ADAMTSL1: variants seen among roughly 807,000 people sequenced by gnomAD.
The protein encoded by ADAMTSL1 is ADAMTS-like protein 1.
Under a neutral mutation model 201.8 loss-of-function variants are expected in ADAMTSL1, and 126 were observed. The observed-to-expected ratio is 0.62, with a 90% CI of 0.54 to 0.72. ADAMTSL1 has a LOEUF of 0.72. ADAMTSL1 is among the 30% of genes least tolerant of loss of function. ADAMTSL1 has a pLI of 0.00. For missense variants in ADAMTSL1, 2,679 were observed against 2,277.8 expected, an observed-to-expected ratio of 1.18 and a Z score of -3.59; for synonymous variants, 1,121 against 903.4, an observed-to-expected ratio of 1.24 and a Z score of -4.32.
intron 1 of ADAMTSL1, among the ~76,000 whole-genome samples, chr9:18,154,988 C>T (rs1358916705): frequency 6.6e-6 from 1 of 151,916 alleles, no homozygotes; most frequent in East Asian, 1.9e-4. Flanking sequence ...GTGAGGGTTG[C>T]TGGTGGGTGG....
upstream of ADAMTSL1, among the ~76,000 whole-genome samples, chr9:18,469,561 C>T (rs1258371717): frequency 6.6e-6 from 1 of 152,220 alleles, no homozygotes; most frequent in East Asian, 1.9e-4. Context: ...ATGGGAGTTG[C>T]TGCCTCTTCC....
intron 1 of ADAMTSL1, among the ~76,000 whole-genome samples, chr9:18,162,482 T>A (rs1479563493): frequency 6.6e-6 from 1 of 152,028 alleles, no homozygotes; most frequent in East Asian, 1.9e-4. Context: ...AGATTCTTTT[T>A]ACTACCATCA....
At chr9:18,276,488 C>T (rs1832592477) in intron 2 of ADAMTSL1, among the ~76,000 whole-genome samples, 1 of 152,190 alleles carries the variant, frequency 6.6e-6, no homozygotes, top group Non-Finnish European at 1.5e-5. Context: ...TTGGGTCTCT[C>T]ATATATTTCA....
chr9:18,022,900 G>C (rs984837966), intron 1 of ADAMTSL1, among the ~76,000 whole-genome samples: 4 of 152,024 alleles, frequency 2.6e-5, no homozygotes, highest in African/African-American at 9.7e-5. Context: ...GCCTAGGTAA[G>C]AAGTGATCAA....
At chr9:17,970,118 A>G (rs957596702) in intron 1 of ADAMTSL1, among the ~76,000 whole-genome samples, 1 of 151,922 alleles carries the variant, frequency 6.6e-6, no homozygotes, top group Non-Finnish European at 1.5e-5. Flanking sequence ...TTTTCCTCTT[A>G]ATGGGGCCTC....
intron 2 of ADAMTSL1, among the ~76,000 whole-genome samples, chr9:18,424,582 C>A (rs2133375413): frequency 6.6e-6 from 1 of 152,240 alleles, no homozygotes. Flanking sequence ...TAGAAAAATG[C>A]AAGAATAAAA....
At chr9:18,831,735 TCATAAAGTCCCTGAATGTAA>T (rs1193689109) in intron 23 of ADAMTSL1, among the ~76,000 whole-genome samples, 1 of 152,174 alleles carries the variant, frequency 6.6e-6, no homozygotes, top group Non-Finnish European at 1.5e-5. Flanking sequence ...GAGTCAGTAT[TCATAAAGTCCCTGAATGTAA>T]CTGCCTGGAC....
rs192596760 is a variant in ADAMTSL1 at position 17,956,060 on chromosome 9, A to C, written c.87+49138A>C. ...GTAAATGACAACCAAATACTGTGGAAAAATCTGAATAGTTTATTTTTTAAA... is the reference window on the plus strand; with the variant it reads ...GTAAATGACAACCAAATACTGTGGACAAATCTGAATAGTTTATTTTTTAAA... On this transcript the variant is annotated intron_variant, in intron 1 of 29. Coordinates refer to the ADAMTSL1 transcript ENST00000680146. Among the ~76,000 whole-genome samples, 33 of 152,332 alleles carry C rather than the reference A, an allele frequency of 2.2e-4. No homozygotes were observed. The East Asian group carries it at 4.1e-3, about 19-fold the overall frequency.
intron 2 of ADAMTSL1, among the ~76,000 whole-genome samples, chr9:18,299,633 T>C (rs923562865): frequency 5.3e-5 from 8 of 152,176 alleles, no homozygotes; most frequent in African/African-American, 1.9e-4. Flanking sequence ...CCTGGAATTC[T>C]TAGCTTGTAA....
At chr9:18,827,040 C>T (rs111762429) in intron 22 of ADAMTSL1, among the ~76,000 whole-genome samples, 52 of 151,994 alleles carry the variant, frequency 3.4e-4, no homozygotes, top group Non-Finnish European at 1.2e-4. Flanking sequence ...CACCATCCAC[C>T]ATCTGATTAT....
chr9:18,548,515 T>C (rs1472313882), intron 3 of ADAMTSL1, among the ~76,000 whole-genome samples: 1 of 152,064 alleles, frequency 6.6e-6, no homozygotes, highest in Non-Finnish European at 1.5e-5. Flanking sequence ...TTCATGTTAA[T>C]GAATCAACAA....
chr9:18,111,123 A>G (rs552011749), intron 1 of ADAMTSL1, among the ~76,000 whole-genome samples: 2 of 152,184 alleles, frequency 1.3e-5, no homozygotes, highest in African/African-American at 4.8e-5. Flanking sequence ...ACAAAAATTG[A>G]CCTTTTGCTT....
intron 10 of ADAMTSL1, among the ~76,000 whole-genome samples, chr9:18,677,898 C>G (rs1830217854): frequency 6.6e-6 from 1 of 152,024 alleles, no homozygotes; most frequent in African/African-American, 2.4e-5. Context: ...TAAATGGAAA[C>G]TATTTTTACA....
chr9:18,058,716 C>G (rs1822307616), intron 1 of ADAMTSL1, among the ~76,000 whole-genome samples: 1 of 152,086 alleles, frequency 6.6e-6, no homozygotes, highest in Non-Finnish European at 1.5e-5. Flanking sequence ...TGTGAATGCA[C>G]AGAGAGACTA....
intron 23 of ADAMTSL1, among the ~76,000 whole-genome samples, chr9:18,875,927 A>G (rs575228351): frequency 1.3e-5 from 2 of 152,078 alleles, no homozygotes; most frequent in Admixed American, 1.3e-4. Context: ...TGGGAGCTCC[A>G]GTATTATGTG....
intron 1 of ADAMTSL1, among the ~76,000 whole-genome samples, chr9:17,918,481 T>C (rs1487352412): frequency 6.6e-6 from 1 of 151,916 alleles, no homozygotes; most frequent in African/African-American, 2.4e-5. Context: ...TTAATTGCAG[T>C]GTGATTAGAT....
intron 3 of ADAMTSL1, among the ~76,000 whole-genome samples, chr9:18,555,593 A>C (rs951778421): frequency 6.6e-6 from 1 of 151,896 alleles, no homozygotes; most frequent in Non-Finnish European, 1.5e-5. Flanking sequence ...AAAAAACAAC[A>C]ATGTATTAAG....
At chr9:18,074,101 T>C (rs987137422) in intron 1 of ADAMTSL1, among the ~76,000 whole-genome samples, 9 of 152,164 alleles carry the variant, frequency 5.9e-5, no homozygotes, top group Non-Finnish European at 1.3e-4. Flanking sequence ...CCTTACGCTT[T>C]GAGCATTGGG....
chr9:18,820,332 T>G (rs185144351), intron 21 of ADAMTSL1, among the ~76,000 whole-genome samples: 4 of 152,340 alleles, frequency 2.6e-5, no homozygotes, highest in Non-Finnish European at 4.4e-5. Flanking sequence ...TATGTAATGA[T>G]AATACAATGT....
Sources: gnomAD v4.1 joint callset for allele counts (sites outside exome capture counted in the v4.1 genomes callset) on GRCh38, gnomAD v4.1.1 for gene constraint, MANE v1.5 for transcripts, NCBI Gene and HGNC (gene_info 2026-07-23, HGNC 2026-07-21) for gene names.